Variants in ZNF492 observed in about 807,000 individuals in gnomAD.
The protein encoded by ZNF492 is zinc finger protein 492, also known as zinc finger protein 115 (Y20).
Under a neutral mutation model 6.4 loss-of-function variants are expected in ZNF492, and 3 were observed. The ratio of observed to expected loss-of-function variants is 0.47; its 90% CI spans 0.21 to 1.22. The LOEUF (loss-of-function observed/expected upper bound fraction) is 1.22. Ranked by LOEUF, ZNF492 falls within the 50% of genes most tolerant of loss-of-function variation. The pLI, the probability that ZNF492 is intolerant of heterozygous loss-of-function variation, is 0.22. For synonymous variants in ZNF492, 112 were observed against 205.3 expected (o/e 0.55, Z 3.89); for missense variants, 356 against 612.5 (o/e 0.58, Z 4.42).
intron 1 of ZNF492, among the ~76,000 whole-genome samples, chr19:22,650,512 C>T (rs562465876): frequency 3.3e-5 from 5 of 152,050 alleles, no homozygotes; most frequent in South Asian, 2.1e-4. Context: ...TCAGAACTGG[C>T]GGGGGGAAAA....
rs1972129599 is a variant in ZNF492 at position 22,666,431 on chromosome 19, T to C, written c.*1166T>C. On this transcript the variant is annotated 3_prime_UTR_variant, in exon 4 of 4. Coordinates refer to ENST00000456783, the MANE Select transcript of ZNF492 (RefSeq NM_020855.3). Reference sequence around the variant, plus strand: ...GTCTCGAACTCGAGACTTTAGGTGATCCGCCCAGCTTGGCCTCCCGCAATG... The same window carrying C: ...GTCTCGAACTCGAGACTTTAGGTGACCCGCCCAGCTTGGCCTCCCGCAATG... The C allele has an allele frequency of 6.6e-6, 1 of 152,206 alleles. No individual in the cohort carries two copies. The highest frequency in any genetic ancestry group is 2.4e-5 in the African/African-American group (1 of 41,448). 9.4% of individuals were successfully genotyped at this position (152,206 alleles called of 1,614,324 possible).
chr19:22,665,531 A>G lies in ZNF492; in HGVS notation c.*266A>G. ...AGCATTAAAAGTGCAATTACTGTCA[A>G]AAGAGTTCAAAAAATAAGCATTTAA... On this transcript the variant is annotated 3_prime_UTR_variant, in exon 4 of 4. Transcript: ENST00000456783. The G allele has an allele frequency of 1.8e-6, 1 of 558,022 alleles. No homozygotes were observed. Among genetic ancestry groups the G allele is most frequent in the South Asian group, 3.2e-5 (1 of 31,166 alleles). The allele number at this position is 558,022 out of a possible 1,614,324, so 34.6% of individuals were successfully genotyped here. A position where few individuals can be genotyped will look rare whatever the true frequency, so the allele number is the denominator to read the frequency against.
In ZNF492 at chr19:22,667,507, T is replaced by A. The variant is rs1033524980; in HGVS notation, c.*2242T>A. 23 of 152,100 alleles carry A rather than the reference T, an allele frequency of 1.5e-4. No homozygotes were observed. Among genetic ancestry groups the A allele is most frequent in the African/African-American group, 5.5e-4 (23 of 41,452 alleles). 9.4% of individuals were successfully genotyped at this position (152,100 alleles called of 1,614,324 possible). ...AGGGTAAATGAGGTATCCATCACCTTTAGAATTTATTTTTTGTATTATGAA... is the reference window on the plus strand; with the variant it reads ...AGGGTAAATGAGGTATCCATCACCTATAGAATTTATTTTTTGTATTATGAA... On this transcript the variant is annotated 3_prime_UTR_variant, in exon 4 of 4. Transcript: ENST00000456783.
chr19:22,654,900 T>C (rs560098444), intron 3 of ZNF492, among the ~76,000 whole-genome samples: 120 of 151,156 alleles, frequency 7.9e-4, no homozygotes, highest in Non-Finnish European at 1.6e-3. Flanking sequence ...CGTGCCTGAC[T>C]GAGAATTGTA....
chr19:22,634,859 C>T (rs1178331020), intron 1 of ZNF492, among the ~76,000 whole-genome samples: 3 of 152,048 alleles, frequency 2.0e-5, no homozygotes, highest in Admixed American at 2.0e-4. Context: ...GTTCCTAGTT[C>T]CTCTTTTCTT....
intron 1 of ZNF492, among the ~76,000 whole-genome samples, chr19:22,638,305 G>T (rs889499551): frequency 9.9e-5 from 15 of 151,974 alleles, no homozygotes; most frequent in Admixed American, 4.6e-4. Context: ...TTCTAGAATG[G>T]TAATTCCTAA....
intron 3 of ZNF492, among the ~76,000 whole-genome samples, chr19:22,654,902 A>C (rs1035526173): frequency 6.6e-6 from 1 of 150,802 alleles, no homozygotes; most frequent in African/African-American, 2.4e-5. Flanking sequence ...TGCCTGACTG[A>C]GAATTGTATT....
chr19:22,646,369 A>G (rs1236844308), intron 1 of ZNF492, among the ~76,000 whole-genome samples: 2 of 152,176 alleles, frequency 1.3e-5, no homozygotes, highest in South Asian at 4.1e-4. Context: ...TTCATTTTGT[A>G]TCCTGAGACT....
intron 3 of ZNF492, among the ~76,000 whole-genome samples, chr19:22,655,067 C>G (rs1352271029): frequency 1.3e-5 from 2 of 151,308 alleles, no homozygotes; most frequent in Non-Finnish European, 2.9e-5. Flanking sequence ...CCGAGGCAGG[C>G]GGATCACCTG....
chr19:22,653,992 A>G lies in ZNF492; in HGVS notation c.107A>G (p.His36Arg). The stretch of plus-strand genomic sequence containing the variant: ...AAAGAACCTTGGAATGTGAAGAGAC[A>G]TGAGATGGTAGCTGAACCCCCAGGT... ...QGKEPWNVKR[H>R]EMVAEPPVVC... is the part of the protein sequence containing the mutation. Residue 36 changes from histidine (H) to arginine (R), a missense_variant, in exon 3 of 4, where the codon CAT becomes CGT. Coordinates refer to ENST00000456783, the MANE Select transcript of ZNF492 (RefSeq NM_020855.3). 6.2e-7 allele frequency: 1 copy of G among 1,603,848 alleles called. No individual in the cohort carries two copies. Among genetic ancestry groups the G allele is most frequent in the South Asian group, 1.1e-5 (1 of 88,790 alleles).
chr19:22,666,044 T>G lies in ZNF492; in HGVS notation c.*779T>G, dbSNP rs1972122243. 6.9e-6 allele frequency: 1 copy of G among 144,072 alleles called. No individual in the cohort carries two copies. The highest frequency in any genetic ancestry group is 1.5e-5 in the Non-Finnish European group (1 of 66,950). 8.9% of individuals were successfully genotyped at this position (144,072 alleles called of 1,614,324 possible). On this transcript the variant is annotated 3_prime_UTR_variant, in exon 4 of 4. Coordinates refer to ENST00000456783, the MANE Select transcript of ZNF492 (RefSeq NM_020855.3). ...ACAAGTATACTTTTTTTTAGAAAGA[T>G]TACAGATTTTTTTTAAAAGTAAATA...
At chr19:22,656,788 A>C (rs533651625) in intron 3 of ZNF492, among the ~76,000 whole-genome samples, 107 of 152,208 alleles carry the variant, frequency 7.0e-4, no homozygotes, top group Non-Finnish European at 8.2e-4. Context: ...TCTGAAGAGA[A>C]TATTCCTCAA....
intron 2 of ZNF492, 148 bp downstream of exon 2, chr19:22,653,581 A>G (rs1223397368): frequency 1.7e-6 from 2 of 1,187,406 alleles, no homozygotes; most frequent in Non-Finnish European, 2.3e-6. Context: ...AAGAATTTCA[A>G]GATGTTTCAT....
At chr19:22,641,744 G>C (rs1398167593) in intron 1 of ZNF492, among the ~76,000 whole-genome samples, 1 of 152,006 alleles carries the variant, frequency 6.6e-6, no homozygotes, top group Admixed American at 6.6e-5. Flanking sequence ...TCTCTTCATA[G>C]GTCTCTAACA....
At chr19:22,648,702 C>A (rs78370730) in intron 1 of ZNF492, among the ~76,000 whole-genome samples, 1 of 152,074 alleles carries the variant, frequency 6.6e-6, no homozygotes, top group African/African-American at 2.4e-5. Context: ...TAAATAATGC[C>A]CTTCTTTGTC....
intron 1 of ZNF492, 108 bp downstream of exon 1, chr19:22,634,582 T>C: frequency 8.7e-7 from 1 of 1,143,272 alleles, no homozygotes; most frequent in Non-Finnish European, 1.3e-6. Flanking sequence ...CTCCACAATC[T>C]GCGCCCCAAG....
In ZNF492 at chr19:22,653,974, C is replaced by T; in HGVS notation, c.89C>T (p.Pro30Leu). Residue 30 changes from proline (P) to leucine (L), a missense_variant, in exon 3 of 4, where the codon CCT (proline) becomes CTT (leucine). Transcript: ENST00000456783. Reference protein sequence around the residue: ...LITCLEQGKEPWNVKRHEMVA... With the variant: ...LITCLEQGKELWNVKRHEMVA... ...ACCTGTCTGGAGCAAGGAAAAGAAC[C>T]TTGGAATGTGAAGAGACATGAGATG... 2 of 1,600,602 alleles carry T rather than the reference C, an allele frequency of 1.2e-6. No individual in the cohort carries two copies. Among genetic ancestry groups the T allele is most frequent in the Non-Finnish European group, 1.7e-6 (2 of 1,176,762 alleles).
intron 3 of ZNF492, among the ~76,000 whole-genome samples, chr19:22,655,158 G>T (rs1332458012): frequency 6.6e-6 from 1 of 151,684 alleles, no homozygotes; most frequent in Non-Finnish European, 1.5e-5. Flanking sequence ...GTCAGGCGTG[G>T]TGACAGGCGC....
intron 1 of ZNF492, among the ~76,000 whole-genome samples, chr19:22,642,384 C>CTTT (rs869202400): frequency 0.052 from 4,404 of 85,482 alleles, 377 homozygotes; most frequent in Non-Finnish European, 0.065. Context: ...AACCTTTTGT[C>CTTT]TTTTTTTTTT....
Sources: allele counts gnomAD v4.1 joint callset (sites outside exome capture counted in the v4.1 genomes callset), GRCh38; gene constraint gnomAD v4.1.1; transcripts MANE v1.5; gene names NCBI Gene and HGNC (gene_info 2026-07-23, HGNC 2026-07-21).